VWA8: variants seen among roughly 807,000 people sequenced by gnomAD.
VWA8 encodes the protein von Willebrand factor A domain-containing protein 8.
Under a neutral mutation model 241.5 loss-of-function variants are expected in VWA8, and 221 were observed. The ratio of observed to expected loss-of-function variants is 0.91; its 90% CI spans 0.82 to 1.02. The LOEUF is 1.02. Among genes scored for constraint, VWA8 ranks in the 50% least tolerant of loss-of-function variants. VWA8 has a pLI of 0.00. For synonymous variants in VWA8, 852 were observed against 827.1 expected (o/e 1.03, Z -0.52); for missense variants, 2,322 against 2,328.7 (o/e 1.00, Z 0.06).
At chr13:41,719,984 A>C (rs2045372819) in intron 25 of VWA8, among the ~76,000 whole-genome samples, 1 of 151,994 alleles carries the variant, frequency 6.6e-6, no homozygotes, top group Non-Finnish European at 1.5e-5. Flanking sequence ...TCCTCCTCTC[A>C]AATGTTAGAG....
Position 41,811,250 on chromosome 13 carries a change from C to A in VWA8, c.2038G>T (p.Ala680Ser), listed in dbSNP as rs1284228499. The change falls in exon 17 of 45, where the codon GCT (alanine) becomes TCT (serine). Residue 680 changes from alanine to serine, a missense_variant. Transcript: ENST00000379310. ...SQYPNENLHSAVTKACLSRFL... is the reference protein window; with the variant it reads ...SQYPNENLHSSVTKACLSRFL... ...CTGGAAAGGCAGGCTTTAGTAACAG[C>A]ACTGTGAAGATTTTCATTAGGATAC... The A allele has an allele frequency of 6.2e-7, 1 of 1,609,626 alleles. No homozygotes were observed. The highest frequency in any genetic ancestry group is 8.5e-7 in the Non-Finnish European group (1 of 1,176,630).
At chr13:41,683,572 G>C (rs774922234) in intron 35 of VWA8, among the ~76,000 whole-genome samples, 1 of 152,084 alleles carries the variant, frequency 6.6e-6, no homozygotes, top group Non-Finnish European at 1.5e-5. Flanking sequence ...TGCTAGAAAT[G>C]GTGAATTTTA....
intron 26 of VWA8, among the ~76,000 whole-genome samples, chr13:41,715,155 A>G (rs2045340496): frequency 1.3e-5 from 2 of 151,964 alleles, no homozygotes. Context: ...AATTATATAC[A>G]TTTATGTAAA....
At chr13:41,577,361 GA>G (rs35699647) in intron 42 of VWA8, among the ~76,000 whole-genome samples, 17 of 151,468 alleles carry the variant, frequency 1.1e-4, no homozygotes, top group South Asian at 1.0e-3. Context: ...TTCCATATAA[GA>G]AAAAAAAATT....
intron 20 of VWA8, among the ~76,000 whole-genome samples, chr13:41,772,465 CA>C (rs566779127): frequency 5.3e-4 from 38 of 71,656 alleles, no homozygotes; most frequent in African/African-American, 9.8e-4. Flanking sequence ...AACAAACAAA[CA>C]AAAAAAAAAT....
intron 9 of VWA8, among the ~76,000 whole-genome samples, chr13:41,882,776 C>T (rs1465514475): frequency 7.4e-6 from 1 of 135,294 alleles, no homozygotes; most frequent in Non-Finnish European, 1.6e-5. Context: ...TTCGGCTGGG[C>T]ATCAGAGGGA....
chr13:41,755,454 T>G (rs367905208), intron 21 of VWA8, among the ~76,000 whole-genome samples: 53 of 152,140 alleles, frequency 3.5e-4, no homozygotes, highest in African/African-American at 1.3e-3. Flanking sequence ...ATCAATAATA[T>G]AGTAATGGGT....
At chr13:41,904,769 C>T (rs965959677) in intron 4 of VWA8, among the ~76,000 whole-genome samples, 1 of 151,874 alleles carries the variant, frequency 6.6e-6, no homozygotes, top group Non-Finnish European at 1.5e-5. Context: ...AGAAAATTAA[C>T]CCAATATGAA....
chr13:41,569,687 T>G (rs555032579), intron 44 of VWA8, among the ~76,000 whole-genome samples: 1 of 151,948 alleles, frequency 6.6e-6, no homozygotes, highest in Non-Finnish European at 1.5e-5. Context: ...TGGTGTTTTA[T>G]GTTTCTTACA....
chr13:41,677,761 AT>A (rs2045070148), intron 35 of VWA8, among the ~76,000 whole-genome samples: 1 of 151,890 alleles, frequency 6.6e-6, no homozygotes, highest in Non-Finnish European at 1.5e-5. Flanking sequence ...TCTGATTAGA[AT>A]TATATATTTA....
At chr13:41,859,933 C>T (rs914029965) in intron 12 of VWA8, among the ~76,000 whole-genome samples, 1 of 152,198 alleles carries the variant, frequency 6.6e-6, no homozygotes, top group African/African-American at 2.4e-5. Context: ...CTTTTTCCCA[C>T]TAAATTCTCT....
intron 12 of VWA8, among the ~76,000 whole-genome samples, chr13:41,847,452 G>A (rs761143528): frequency 6.6e-6 from 1 of 152,176 alleles, no homozygotes; most frequent in Non-Finnish European, 1.5e-5. Flanking sequence ...CCCCATAGCA[G>A]AAAGAAGCCA....
intron 17 of VWA8, among the ~76,000 whole-genome samples, chr13:41,799,699 A>G (rs1869861478): frequency 3.3e-5 from 5 of 152,160 alleles, no homozygotes; most frequent in Admixed American, 3.3e-4. Flanking sequence ...TTTGGCAGCC[A>G]TGATATCATT....
rs1027047548 is a variant in VWA8 at position 41,746,956 on chromosome 13, T to G, written c.2426+14172A>C. ...CAGTACTACCCTCACTAAAATACCA[T>G]GGATTCAGCACAATAAACTCAAGCA... On this transcript the variant is annotated intron_variant, in intron 21 of 44. Coordinates refer to ENST00000379310, the MANE Select transcript of VWA8 (RefSeq NM_015058.2). 4.6e-5 allele frequency among the ~76,000 whole-genome samples: 7 copies of G among 152,340 alleles called. 1 individual carries two copies. The South Asian group carries it at 1.0e-3, about 23-fold the overall frequency.
chr13:41,909,682 T>C (rs1315978869), intron 3 of VWA8, among the ~76,000 whole-genome samples: 1 of 152,216 alleles, frequency 6.6e-6, no homozygotes, highest in Non-Finnish European at 1.5e-5. Flanking sequence ...AACTGCTACA[T>C]GATCATTATC....
intron 4 of VWA8, among the ~76,000 whole-genome samples, chr13:41,897,541 T>C (rs187283637): frequency 1.3e-5 from 2 of 152,324 alleles, no homozygotes; most frequent in East Asian, 1.9e-4. Context: ...TCCAGCAATA[T>C]ATGGACTGAA....
At chr13:41,779,090 C>G (rs1029444998) in intron 19 of VWA8, among the ~76,000 whole-genome samples, 4 of 150,574 alleles carry the variant, frequency 2.7e-5, no homozygotes, top group African/African-American at 9.7e-5. Flanking sequence ...ATCTGCCTGC[C>G]TCGGCCTCCC....
chr13:41,756,878 A>C (rs2045698149), intron 21 of VWA8, among the ~76,000 whole-genome samples: 1 of 151,744 alleles, frequency 6.6e-6, no homozygotes, highest in Admixed American at 6.6e-5. Flanking sequence ...AGGAACCCTC[A>C]CTCTACAGCA....
chr13:41,897,164 A>T (rs1475651328), intron 4 of VWA8, among the ~76,000 whole-genome samples: 1 of 152,200 alleles, frequency 6.6e-6, no homozygotes, highest in Non-Finnish European at 1.5e-5. Flanking sequence ...GCGAATAAGG[A>T]AAGAGAATAA....
Sources: allele counts gnomAD v4.1 joint callset (sites outside exome capture counted in the v4.1 genomes callset), GRCh38; gene constraint gnomAD v4.1.1; transcripts MANE v1.5; gene names NCBI Gene and HGNC (gene_info 2026-07-23, HGNC 2026-07-21).